The following BAZ2A variants were observed in gnomAD, a reference collection of about 807,000 sequenced individuals.
BAZ2A encodes bromodomain adjacent to zinc finger domain protein 2A.
In BAZ2A, 34 loss-of-function variants were observed where a neutral mutation model predicts 199.9. That is an observed-to-expected ratio of 0.17 (90% CI 0.13 to 0.23). The LOEUF (loss-of-function observed/expected upper bound fraction) is 0.23, where lower values mean the gene tolerates loss of function less well. Ranked by LOEUF, BAZ2A falls within the 10% of genes least tolerant of loss-of-function variation. The pLI is 1.00. For missense variants in BAZ2A, 2,002 were observed against 2,391.1 expected (o/e 0.84, Z 3.39); for synonymous variants, 857 against 883.9 (o/e 0.97, Z 0.54).
upstream of BAZ2A, among the ~76,000 whole-genome samples, chr12:56,637,189 T>G (rs1951468259): frequency 1.3e-5 from 2 of 152,206 alleles, no homozygotes; most frequent in South Asian, 4.1e-4. Flanking sequence ...GAGTCTCCAG[T>G]GCTACCGCGA....
intron 1 of BAZ2A, chr12:56,636,066 T>A (rs1951442412): frequency 7.7e-7 from 1 of 1,292,618 alleles, no homozygotes. Context: ...CCCAGAGTCC[T>A]GTTTCCTCTC....
Position 56,599,867 on chromosome 12 carries a change from G to C in BAZ2A, c.5026-19C>G, listed in dbSNP as rs1278597996. 6.2e-7 allele frequency: 1 copy of C among 1,613,862 alleles called. No homozygotes were observed. Among genetic ancestry groups the C allele is most frequent in the African/African-American group, 1.3e-5 (1 of 75,046 alleles). On this transcript the variant is annotated intron_variant, in intron 25 of 28. Transcript: ENST00000549884. ...GACATGTCTGGACCAAGGTTGTGAG[G>C]AGGCAGAATGAGCTCTCCAGCCTCT...
chr12:56,603,874 G>A (rs1358955923), intron 16 of BAZ2A, among the ~76,000 whole-genome samples, 174 bp from the exon 17 acceptor site: 5 of 152,196 alleles, frequency 3.3e-5, no homozygotes, highest in African/African-American at 1.2e-4. Context: ...TCAGCCAGGT[G>A]TGGTGGCATG....
At chr12:56,600,854 GGA>G (rs752654706) in intron 22 of BAZ2A, 22 bp from the exon 23 acceptor site, 1 of 1,612,612 alleles carries the variant, frequency 6.2e-7, no homozygotes, top group Non-Finnish European at 8.5e-7. Flanking sequence ...GGTGGCAGAG[GGA>G]GAGGCCCATC....
chr12:56,602,743 T>C lies in BAZ2A; in HGVS notation c.3394A>G (p.Ile1132Val). ...TTCCCCTCTGTTCCTTCTACAAAGA[T>C]ACCAGCCAAATACGGCAATACCCAG... ...RYWVLPYLAG[I>V]FVEGTEGNLV... The change falls in exon 19 of 29, where the codon ATC (isoleucine) becomes GTC (valine). Residue 1132 changes from isoleucine to valine, a missense_variant. Physicochemically the swap from Ile to Val is conservative, Grantham distance 29 (BLOSUM62 3). Coordinates refer to ENST00000549884, the MANE Select transcript of BAZ2A (RefSeq NM_001300905.2). 1 of 1,613,904 alleles carries C rather than the reference T, an allele frequency of 6.2e-7. No homozygotes were observed. The highest frequency in any genetic ancestry group is 8.5e-7 in the Non-Finnish European group (1 of 1,179,810).
upstream of BAZ2A, among the ~76,000 whole-genome samples, chr12:56,631,481 A>G (rs1007666532): frequency 7.9e-5 from 12 of 151,508 alleles, 1 homozygote; most frequent in South Asian, 2.3e-3. Context: ...ATTCTAGTTC[A>G]ACCTTCTCTC....
rs1290455059 is a variant in BAZ2A, at chr12:56,596,921, G to C, written c.*1697C>G. 1 of 152,544 alleles carries C rather than the reference G, an allele frequency of 6.6e-6. No homozygotes were observed. The highest frequency in any genetic ancestry group is 2.4e-5 in the African/African-American group (1 of 41,388). The allele number at this position is 152,544 out of a possible 1,614,324, so 9.4% of individuals were successfully genotyped here. On this transcript the variant is annotated 3_prime_UTR_variant, in exon 29 of 29. Coordinates refer to ENST00000549884, the MANE Select transcript of BAZ2A (RefSeq NM_001300905.2). ...CCCTACCCCCTTCAGTGGCTCTTCA[G>C]TGCTGCCAGAATACAAGGAATGCTC...
rs1424789318 is a variant in BAZ2A at position 56,600,292 on chromosome 12, G to A, written c.4801C>T (p.Arg1601Trp). The change falls in exon 24 of 29, where the codon CGG becomes TGG. Residue 1601 changes from arginine to tryptophan, a missense_variant. This residue lies in a region of BAZ2A where 1,081 missense variants were observed against 1,274.7 expected (regional missense o/e 0.85). Coordinates refer to ENST00000549884, the MANE Select transcript of BAZ2A (RefSeq NM_001300905.2). ...LEQNVERRYLREPLWPTHEVV... is the reference protein window; with the variant it reads ...LEQNVERRYLWEPLWPTHEVV... ...TCATGAGTTGGCCAGAGGGGCTCCCGCAGGTACCGCCGTTCTACATTCTGT... is the reference window on the plus strand; with the variant it reads ...TCATGAGTTGGCCAGAGGGGCTCCCACAGGTACCGCCGTTCTACATTCTGT... 9.3e-6 allele frequency: 15 copies of A among 1,613,828 alleles called. No individual in the cohort carries two copies. In the Admixed American group the frequency reaches 1.0e-4, roughly 11 times the overall value.
In BAZ2A at chr12:56,602,174, T is replaced by G. The variant is rs1396825393; in HGVS notation, c.3443A>C (p.Lys1148Thr). ...EGNLVPEEVI[K>T]KETDSLKVAA... The stretch of plus-strand genomic sequence containing the variant: ...CACTTTTAAGGAGTCAGTTTCCTTC[T>G]TTATCACCTCCTCAGGAACTGTAAA... The change falls in exon 20 of 29, where the codon AAG becomes ACG. Residue 1148 changes from lysine (K) to threonine (T), a missense_variant. Lys to Thr is a moderately conservative substitution (Grantham distance 78). Around this residue, in one of 6 missense-constraint regions of BAZ2A, gnomAD observed 1,081 missense variants for 1,274.7 expected, o/e 0.85. Transcript: ENST00000549884. 1.3e-6 allele frequency: 2 copies of G among 1,585,986 alleles called. No homozygotes were observed. Among genetic ancestry groups the G allele is most frequent in the Non-Finnish European group, 1.7e-6 (2 of 1,165,372 alleles).
chr12:56,625,321 A>C (rs2137285972), intron 1 of BAZ2A, among the ~76,000 whole-genome samples: 1 of 151,724 alleles, frequency 6.6e-6, no homozygotes, highest in Middle Eastern at 3.4e-3. Context: ...ACACCCGGCT[A>C]ATTTTCATAT....
Position 56,612,029 on chromosome 12 carries a change from A to G in BAZ2A, c.1353T>C (p.Val451=). 1 of 1,612,530 alleles carries G rather than the reference A, an allele frequency of 6.2e-7. No homozygotes were observed. The highest frequency in any genetic ancestry group is 8.5e-7 in the Non-Finnish European group (1 of 1,179,538). ...AGACAACTGTAGAAGCTGCGGGACA[A>G]ACTTCTGGAGAGATTTCTGGGGAGG... ...PAASPEISPE[V]CPAASTVVSP... Residue 451 remains valine (V), a synonymous_variant, in exon 6 of 29, where the codon GTT becomes GTC. Coordinates refer to ENST00000549884, the MANE Select transcript of BAZ2A (RefSeq NM_001300905.2).
At chr12:56,602,579 C>T in intron 19 of BAZ2A, 134 bp downstream of exon 19, 3 of 1,246,600 alleles carry the variant, frequency 2.4e-6, no homozygotes. Flanking sequence ...GGCAGCTTTA[C>T]TCTAAAATCT....
intron 1 of BAZ2A, 161 bp downstream of exon 1, chr12:56,629,964 G>T: frequency 2.2e-6 from 1 of 453,262 alleles, no homozygotes; most frequent in Non-Finnish European, 2.9e-6. Context: ...AGAGCAAGGA[G>T]ACCCTCGCCT....
Position 56,596,838 on chromosome 12 carries a change from G to A in BAZ2A, c.*1780C>T, listed in dbSNP as rs899946659. 6.6e-6 allele frequency: 1 copy of A among 152,342 alleles called. No homozygotes were observed. Among genetic ancestry groups the A allele is most frequent in the Non-Finnish European group, 1.5e-5 (1 of 68,034 alleles). 9.4% of individuals were successfully genotyped at this position (152,342 alleles called of 1,614,324 possible). A position where few individuals can be genotyped will look rare whatever the true frequency, so the allele number is the denominator to read the frequency against. On this transcript the variant is annotated 3_prime_UTR_variant, in exon 29 of 29. Coordinates refer to ENST00000549884, the MANE Select transcript of BAZ2A (RefSeq NM_001300905.2). ...GACAGAAAAGGCGACTTTAGAAATA[G>A]GCTATGAGGGAGAAGGGGCATAAAG...
At chr12:56,602,900 G>A (rs752860985) in intron 18 of BAZ2A, 43 bp from the exon 19 acceptor site, 31 of 1,569,960 alleles carry the variant, frequency 2.0e-5, no homozygotes, top group Non-Finnish European at 2.6e-5. Flanking sequence ...CACATTTCCA[G>A]AGTGACAGTG....
At position 56,603,505 on chromosome 12, in the gene BAZ2A, A is replaced by C. The variant is rs775933117; in HGVS notation, c.3219+15T>G. 5 of 1,613,886 alleles carry C rather than the reference A, an allele frequency of 3.1e-6. No homozygotes were observed. Among genetic ancestry groups the C allele is most frequent in the Non-Finnish European group, 4.2e-6 (5 of 1,179,842 alleles). On this transcript the variant is annotated intron_variant, in intron 17 of 28. Transcript: ENST00000549884. ...TATTTTCTAACTCCCACTTTCCTTG[A>C]TCTTGGGCCAGTACCTCTCCATCTC...
chr12:56,606,166 A>G, intron 12 of BAZ2A, 81 bp downstream of exon 12: 1 of 1,596,122 alleles, frequency 6.3e-7, no homozygotes, highest in South Asian at 1.1e-5. Context: ...TCTCACTATA[A>G]AACAAGACTG....
At chr12:56,624,245 C>G (rs1369017791) in intron 1 of BAZ2A, among the ~76,000 whole-genome samples, 3 of 152,170 alleles carry the variant, frequency 2.0e-5, no homozygotes, top group African/African-American at 7.2e-5. Flanking sequence ...TATCCATCCT[C>G]TCCTTAACTA....
chr12:56,624,017 G>A (rs1362319676), intron 1 of BAZ2A, among the ~76,000 whole-genome samples: 1 of 151,446 alleles, frequency 6.6e-6, no homozygotes, highest in African/African-American at 2.4e-5. Context: ...TATAACCTCA[G>A]CAGGATCACT....
Sources: gnomAD v4.1 joint callset for allele counts (sites outside exome capture counted in the v4.1 genomes callset) on GRCh38, gnomAD v4.1.1 for gene constraint, gnomAD v4.1.1 regional missense constraint, MANE v1.5 for transcripts, NCBI Gene and HGNC (gene_info 2026-07-23, HGNC 2026-07-21) for gene names.